The following EYA4 variants were observed in gnomAD, a reference collection of about 807,000 sequenced individuals.
EYA4 encodes EYA transcriptional coactivator and phosphatase 4, also known as protein phosphatase EYA4.
A neutral mutation model predicts 87.9 loss-of-function variants in EYA4; 31 were observed. The ratio of observed to expected loss-of-function variants is 0.35; its 90% CI spans 0.27 to 0.48. The LOEUF (loss-of-function observed/expected upper bound fraction) is 0.48, where lower values mean the gene tolerates loss of function less well. Among genes scored for constraint, EYA4 ranks in the 20% least tolerant of loss-of-function variants. The pLI, the probability that EYA4 is intolerant of heterozygous loss-of-function variation, is 0.99. For synonymous variants in EYA4, 263 were observed against 270.6 expected, an observed-to-expected ratio of 0.97 and a Z score of 0.28; for missense variants, 678 against 761.4, an observed-to-expected ratio of 0.89 and a Z score of 1.29.
chr6:133,289,773 AT>A (rs59202781), intron 2 of EYA4, among the ~76,000 whole-genome samples: 7,065 of 152,126 alleles, frequency 0.046, 378 homozygotes, highest in African/African-American at 0.13. Flanking sequence ...GTGGCTTCAT[AT>A]TTTCTTGGAT....
At chr6:133,375,588 C>T (rs1459952353) in intron 2 of EYA4, among the ~76,000 whole-genome samples, 1 of 151,404 alleles carries the variant, frequency 6.6e-6, no homozygotes, top group Non-Finnish European at 1.5e-5. Flanking sequence ...AACTAGAAAC[C>T]AGGATAATCT....
At chr6:133,354,747 G>A (rs74744231) in intron 2 of EYA4, among the ~76,000 whole-genome samples, 13,776 of 152,238 alleles carry the variant, frequency 0.09, 789 homozygotes, top group East Asian at 0.16. Flanking sequence ...GAAAGGAAGA[G>A]TTCTTTAGTT....
intron 10 of EYA4, among the ~76,000 whole-genome samples, chr6:133,465,972 T>G (rs212767): frequency 0.39 from 58,674 of 151,758 alleles, 14,435 homozygotes; most frequent in Non-Finnish European, 0.55. Context: ...AAAATTGAGG[T>G]TTTTTTTGTA....
intron 2 of EYA4, among the ~76,000 whole-genome samples, chr6:133,338,019 G>C (rs994247880): frequency 6.6e-6 from 1 of 152,142 alleles, no homozygotes; most frequent in African/African-American, 2.4e-5. Context: ...GATGCATAGG[G>C]TGAAGCAAGT....
intron 2 of EYA4, among the ~76,000 whole-genome samples, chr6:133,296,647 G>A (rs535329221): frequency 2.7e-4 from 41 of 152,294 alleles, no homozygotes; most frequent in Non-Finnish European, 5.3e-4. Context: ...AGCTTTTCGG[G>A]AGGGAAGATG....
chr6:133,243,850 C>T (rs1304879746), intron 1 of EYA4, among the ~76,000 whole-genome samples: 1 of 152,064 alleles, frequency 6.6e-6, no homozygotes, highest in African/African-American at 2.4e-5. Context: ...GCAGTAGTAA[C>T]AAGAGACAGA....
intron 17 of EYA4, among the ~76,000 whole-genome samples, chr6:133,516,405 G>T (rs577755109): frequency 2.0e-5 from 3 of 152,084 alleles, no homozygotes; most frequent in South Asian, 4.2e-4. Flanking sequence ...GAATCTGTCA[G>T]CATTTCCATT....
intron 2 of EYA4, among the ~76,000 whole-genome samples, chr6:133,320,480 G>T (rs1176516160): frequency 1.3e-5 from 2 of 149,432 alleles, no homozygotes; most frequent in South Asian, 2.1e-4. Flanking sequence ...TATTTTACTT[G>T]TTTTTTTTTC....
Position 133,530,800 on chromosome 6 carries a change from T to A in EYA4, c.*1995T>A, listed in dbSNP as rs1297665294. On this transcript the variant is annotated 3_prime_UTR_variant, in exon 20 of 20. Transcript: ENST00000355286. ...AGCTTTTGGCTGCATCTGCCCCAAG[T>A]ACTATTCCAGGCAAATTAAAGTTGG... The A allele has an allele frequency of 1.6e-5, 16 of 989,664 alleles. No individual in the cohort carries two copies. Among genetic ancestry groups the A allele is most frequent in the Non-Finnish European group, 1.9e-5 (16 of 832,340 alleles). The allele number at this position is 989,664 out of a possible 1,614,324, so 61.3% of individuals were successfully genotyped here. A position where few individuals can be genotyped will look rare whatever the true frequency, so the allele number is the denominator to read the frequency against.
In EYA4 at chr6:133,530,766, A is replaced by G; in HGVS notation, c.*1961A>G. On this transcript the variant is annotated 3_prime_UTR_variant, in exon 20 of 20. Transcript: ENST00000355286. ...ATCTAAACCTTAAACTTAATCCTTT[A>G]AATTTTGTAGCTTTTGGCTGCATCT... The G allele has an allele frequency of 1.0e-6, 1 of 987,070 alleles. No individual in the cohort carries two copies. The highest frequency in any genetic ancestry group is 1.2e-6 in the Non-Finnish European group (1 of 830,740). The allele number at this position is 987,070 out of a possible 1,614,324, so 61.1% of individuals were successfully genotyped here.
intron 2 of EYA4, among the ~76,000 whole-genome samples, chr6:133,320,169 C>T: frequency 6.9e-6 from 1 of 144,498 alleles, no homozygotes; most frequent in East Asian, 2.0e-4. Context: ...TTTTTCCCAA[C>T]TTCTTGCTTT....
chr6:133,450,821 T>A (rs183117055), intron 5 of EYA4, among the ~76,000 whole-genome samples: 13 of 152,362 alleles, frequency 8.5e-5, no homozygotes, highest in Admixed American at 7.2e-4. Flanking sequence ...TAATTTTTTT[T>A]AATTGATATA....
At chr6:133,322,874 C>G (rs181419782) in intron 2 of EYA4, among the ~76,000 whole-genome samples, 1 of 152,262 alleles carries the variant, frequency 6.6e-6, no homozygotes, top group Non-Finnish European at 1.5e-5. Context: ...TTCAGACTTT[C>G]TATGAGTTGC....
At chr6:133,494,360 A>T (rs73544998) in intron 13 of EYA4, among the ~76,000 whole-genome samples, 14,080 of 152,150 alleles carry the variant, frequency 0.093, 1,284 homozygotes, top group African/African-American at 0.22. Context: ...AAGCTAAAAA[A>T]CGAACTAATG....
chr6:133,445,739 C>T (rs111236576), intron 3 of EYA4, among the ~76,000 whole-genome samples: 3,196 of 152,160 alleles, frequency 0.021, 117 homozygotes, highest in African/African-American at 0.071. Flanking sequence ...CCACCAAGCC[C>T]GGCTGATTTT....
At position 133,531,228 on chromosome 6, in the gene EYA4, A is replaced by G. The variant is rs1430447582; in HGVS notation, c.*2423A>G. 2 of 1,533,534 alleles carry G rather than the reference A, an allele frequency of 1.3e-6. No individual in the cohort carries two copies. The highest frequency in any genetic ancestry group is 1.4e-5 in the African/African-American group (1 of 72,948). 95.0% of individuals were successfully genotyped at this position (1,533,534 alleles called of 1,614,324 possible). ...GTTCAGAAGAGGCTGCCGGCATAAA[A>G]CCTAAATGCAAGGTTGACGGAGAAC... On this transcript the variant is annotated 3_prime_UTR_variant, in exon 20 of 20. Transcript: ENST00000355286.
rs1435550328 is a variant in EYA4, at chr6:133,274,792, C to T, written c.12C>T (p.Ser4=). The change falls in exon 2 of 20, where the codon TCC becomes TCT. Residue 4 remains serine, a synonymous_variant. Transcript: ENST00000355286. The stretch of plus-strand genomic sequence containing the variant: ...AGTGAGAAAACCACATGGAAGACTC[C>T]CAGGATTTAAATGAACAATCAGTAA... MED[S]QDLNEQSVKK... is the part of the protein sequence containing the mutation. 3 of 1,613,572 alleles carry T rather than the reference C, an allele frequency of 1.9e-6. No homozygotes were observed. Among genetic ancestry groups the T allele is most frequent in the East Asian group, 4.5e-5 (2 of 44,798 alleles).
chr6:133,271,452 A>T (rs1342748049), intron 1 of EYA4, among the ~76,000 whole-genome samples: 1 of 152,154 alleles, frequency 6.6e-6, no homozygotes, highest in Non-Finnish European at 1.5e-5. Flanking sequence ...GAGTCCGTGG[A>T]TGGTAGTCTT....
intron 3 of EYA4, chr6:133,435,156 G>A (rs147318840): frequency 7.2e-5 from 11 of 152,346 alleles, no homozygotes; most frequent in Non-Finnish European, 1.3e-4. Context: ...GAGTCATAGT[G>A]AACAAAGGGG....
Sources: gnomAD v4.1 joint callset for allele counts (sites outside exome capture counted in the v4.1 genomes callset) on GRCh38, gnomAD v4.1.1 for gene constraint, MANE v1.5 for transcripts, NCBI Gene and HGNC (gene_info 2026-07-23, HGNC 2026-07-21) for gene names.